Variants in DENND2A observed in about 807,000 individuals in gnomAD.
DENND2A encodes the protein DENN domain-containing protein 2A.
DENND2A carries 53 observed loss-of-function variants against 105.3 expected under a neutral mutation model. The ratio of observed to expected loss-of-function variants is 0.50; its 90% CI spans 0.40 to 0.63. DENND2A has a LOEUF of 0.63. DENND2A is among the 30% of genes least tolerant of loss of function. The probability of loss-of-function intolerance (pLI) is 0.00; values close to 1 mark genes in which losing one functional copy is unlikely to be tolerated. For synonymous variants in DENND2A, 522 were observed against 508.4 expected (o/e 1.03, Z -0.36); for missense variants, 1,138 against 1,279.6 (o/e 0.89, Z 1.69).
intron 3 of DENND2A, among the ~76,000 whole-genome samples, chr7:140,591,024 G>A (rs993116442): frequency 1.3e-5 from 2 of 152,000 alleles, no homozygotes; most frequent in African/African-American, 2.4e-5. Context: ...GGGGGTGGGC[G>A]CAGTAGCTCA....
chr7:140,614,322 CT>C (rs1800008498), intron 1 of DENND2A, among the ~76,000 whole-genome samples: 1 of 152,114 alleles, frequency 6.6e-6, no homozygotes, highest in Non-Finnish European at 1.5e-5. Flanking sequence ...CTAGGCTGGT[CT>C]CGAACTCCTG....
At chr7:140,592,212 ATT>A (rs576837816) in intron 3 of DENND2A, among the ~76,000 whole-genome samples, 1 of 134,282 alleles carries the variant, frequency 7.4e-6, no homozygotes, top group Non-Finnish European at 1.6e-5. Context: ...GCTAATTTTT[ATT>A]TTTTTTTTTT....
chr7:140,567,600 G>C (rs1338665362), intron 8 of DENND2A, among the ~76,000 whole-genome samples: 1 of 152,166 alleles, frequency 6.6e-6, no homozygotes, highest in African/African-American at 2.4e-5. Context: ...TCTGGACTCT[G>C]GGCAGAGGCT....
At chr7:140,611,459 G>A (rs1411752737) in intron 1 of DENND2A, among the ~76,000 whole-genome samples, 1 of 152,166 alleles carries the variant, frequency 6.6e-6, no homozygotes, top group Non-Finnish European at 1.5e-5. Context: ...GATCATTTGA[G>A]CCTGGGAGGT....
intron 1 of DENND2A, among the ~76,000 whole-genome samples, chr7:140,617,467 G>A (rs763129625): frequency 6.6e-6 from 1 of 152,160 alleles, no homozygotes; most frequent in Non-Finnish European, 1.5e-5. Flanking sequence ...GCTCATGCCT[G>A]TAATCCCAGC....
intron 14 of DENND2A, among the ~76,000 whole-genome samples, chr7:140,537,093 A>G (rs1796480755): frequency 6.6e-6 from 1 of 152,212 alleles, no homozygotes; most frequent in South Asian, 2.1e-4. Flanking sequence ...GGCAGCTTTA[A>G]ACACTTTCGG....
intron 9 of DENND2A, among the ~76,000 whole-genome samples, chr7:140,565,031 C>T (rs1222911633): frequency 1.3e-5 from 2 of 152,148 alleles, no homozygotes; most frequent in Admixed American, 6.6e-5. Context: ...CTTTGGAAGG[C>T]CGGTGCCTAT....
chr7:140,566,986 T>C (rs768987253), intron 9 of DENND2A, 100 bp downstream of exon 9: 64 of 1,087,256 alleles, frequency 5.9e-5, no homozygotes, highest in Non-Finnish European at 8.1e-5. Flanking sequence ...TTCTAGATGC[T>C]AGGTGTTCCT....
chr7:140,633,080 G>A (rs923092761), intron 1 of DENND2A, among the ~76,000 whole-genome samples: 78 of 150,240 alleles, frequency 5.2e-4, no homozygotes, highest in Middle Eastern at 6.9e-3. Context: ...CCAGGCTGGA[G>A]TGCAGTGGCG....
intron 14 of DENND2A, among the ~76,000 whole-genome samples, chr7:140,541,929 C>T (rs930436484): frequency 3.9e-5 from 6 of 152,244 alleles, no homozygotes; most frequent in African/African-American, 1.4e-4. Flanking sequence ...CCCGCCCCGC[C>T]TCCTGAGGAA....
At chr7:140,570,888 C>G (rs1263332654) in intron 6 of DENND2A, among the ~76,000 whole-genome samples, 1 of 152,210 alleles carries the variant, frequency 6.6e-6, no homozygotes, top group Non-Finnish European at 1.5e-5. Flanking sequence ...TTTGTTTTCC[C>G]TCTTCTTGCG....
At chr7:140,554,024 A>G (rs1208528547) in intron 12 of DENND2A, among the ~76,000 whole-genome samples, 7 of 151,984 alleles carry the variant, frequency 4.6e-5, no homozygotes, top group Admixed American at 2.6e-4. Flanking sequence ...TCAGGAGATC[A>G]AGACCATCCT....
intron 1 of DENND2A, among the ~76,000 whole-genome samples, chr7:140,632,444 A>AG (rs940499082): frequency 2.6e-5 from 4 of 152,234 alleles, no homozygotes; most frequent in African/African-American, 7.2e-5. Flanking sequence ...CACCTGTCCC[A>AG]GCAAGGAGAA....
Position 140,546,745 on chromosome 7 carries a change from C to T in DENND2A, c.2178+54G>A, listed in dbSNP as rs566117222. On this transcript the variant is annotated intron_variant, in intron 13 of 19. Coordinates refer to ENST00000496613, the MANE Select transcript of DENND2A (RefSeq NM_015689.5). ...GGCAGCCCCTCTGAGCACGGAGACT[C>T]GGCTGTCTGGGCCACTGCCTCCCCA... 123 of 1,600,668 alleles carry T rather than the reference C, an allele frequency of 7.7e-5. 1 individual carries two copies. In the South Asian group the frequency reaches 1.3e-3, roughly 17 times the overall value.
At chr7:140,574,732 C>A (rs1269696625) in intron 5 of DENND2A, among the ~76,000 whole-genome samples, 1 of 152,084 alleles carries the variant, frequency 6.6e-6, no homozygotes, top group East Asian at 1.9e-4. Context: ...TCTTCAAAGT[C>A]AAAAGGCTGG....
chr7:140,620,513 C>T (rs79484224), intron 1 of DENND2A, among the ~76,000 whole-genome samples: 22 of 152,174 alleles, frequency 1.4e-4, no homozygotes, highest in East Asian at 1.3e-3. Context: ...ACCACCCCCC[C>T]ACCAGATTTC....
At chr7:140,627,837 CT>C (rs562028775) in intron 1 of DENND2A, among the ~76,000 whole-genome samples, 165 of 144,788 alleles carry the variant, frequency 1.1e-3, no homozygotes, top group South Asian at 2.0e-3. Context: ...TACATTAATT[CT>C]TTTTTTTTTT....
chr7:140,629,685 T>G (rs1348582086), intron 1 of DENND2A, among the ~76,000 whole-genome samples: 1 of 152,092 alleles, frequency 6.6e-6, no homozygotes, highest in African/African-American at 2.4e-5. Context: ...TAACGGTCTT[T>G]ATAAAGAACA....
chr7:140,617,487 G>A (rs550660967), intron 1 of DENND2A, among the ~76,000 whole-genome samples: 1 of 152,262 alleles, frequency 6.6e-6, no homozygotes, highest in East Asian at 1.9e-4. Flanking sequence ...CACTTTGGGA[G>A]GCCGAGGCGG....
Sources: allele counts gnomAD v4.1 joint callset (sites outside exome capture counted in the v4.1 genomes callset), GRCh38; gene constraint gnomAD v4.1.1; transcripts MANE v1.5; gene names NCBI Gene and HGNC (gene_info 2026-07-23, HGNC 2026-07-21).